CA10: variants seen among roughly 807,000 people sequenced by gnomAD.
The protein encoded by CA10 is carbonic anhydrase-related protein 10.
CA10 carries 14 observed loss-of-function variants against 44.2 expected under a neutral mutation model. The observed-to-expected ratio is 0.32, with a 90% CI of 0.21 to 0.50. CA10 has a LOEUF of 0.50. CA10 is among the 20% of genes least tolerant of loss of function. CA10 has a pLI of 0.99. For synonymous variants in CA10, 159 were observed against 141.6 expected (o/e 1.12, Z -0.87); for missense variants, 350 against 409.7 (o/e 0.85, Z 1.26).
chr17:51,734,269 G>T (rs1347128594), intron 4 of CA10, among the ~76,000 whole-genome samples: 1 of 151,912 alleles, frequency 6.6e-6, no homozygotes, highest in Admixed American at 6.6e-5. Flanking sequence ...TTAATCAATG[G>T]TTTATACGTG....
At chr17:51,863,092 A>C (rs1979385545) in intron 3 of CA10, among the ~76,000 whole-genome samples, 1 of 152,292 alleles carries the variant, frequency 6.6e-6, no homozygotes, top group East Asian at 1.9e-4. Flanking sequence ...CATTTACTTC[A>C]CTGGAAAATA....
chr17:52,109,926 C>T (rs1163298047), intron 1 of CA10, among the ~76,000 whole-genome samples: 1 of 152,214 alleles, frequency 6.6e-6, no homozygotes, highest in Non-Finnish European at 1.5e-5. Context: ...AGAGGCATCA[C>T]ATCCCATGCA....
chr17:51,994,741 A>G (rs998261375), intron 2 of CA10, among the ~76,000 whole-genome samples: 3 of 152,064 alleles, frequency 2.0e-5, no homozygotes, highest in African/African-American at 7.2e-5. Context: ...TTTATTAAAA[A>G]TTATAGGGAA....
chr17:52,137,791 G>T (rs1448290892), intron 1 of CA10, among the ~76,000 whole-genome samples: 4 of 152,166 alleles, frequency 2.6e-5, no homozygotes, highest in African/African-American at 9.7e-5. Flanking sequence ...TACTTAGCTT[G>T]TTTACCCAAC....
chr17:51,937,769 T>C (rs185497546), intron 2 of CA10, among the ~76,000 whole-genome samples: 2 of 152,240 alleles, frequency 1.3e-5, no homozygotes, highest in Non-Finnish European at 1.5e-5. Flanking sequence ...TAAGGGTATG[T>C]GTATATTAAG....
At chr17:51,733,992 T>C (rs1916808639) in intron 4 of CA10, among the ~76,000 whole-genome samples, 1 of 151,852 alleles carries the variant, frequency 6.6e-6, no homozygotes, top group East Asian at 1.9e-4. Context: ...GGGGTTTGTG[T>C]GTGTGAAAGC....
At chr17:51,707,704 T>TGTGTGTGTGTGTGTG (rs1555587873) in intron 4 of CA10, among the ~76,000 whole-genome samples, 39 of 151,542 alleles carry the variant, frequency 2.6e-4, no homozygotes, top group South Asian at 1.3e-3. Flanking sequence ...TGTGTGTGTG[T>TGTGTGTGTGTGTGTG]TTCTCATGTT....
At chr17:51,930,032 A>G (rs1982589340) in intron 3 of CA10, among the ~76,000 whole-genome samples, 1 of 152,186 alleles carries the variant, frequency 6.6e-6, no homozygotes, top group Non-Finnish European at 1.5e-5. Flanking sequence ...ATGGTACAAG[A>G]AAATATATTT....
At chr17:51,699,271 C>A (rs768476418) in intron 4 of CA10, among the ~76,000 whole-genome samples, 1 of 150,442 alleles carries the variant, frequency 6.6e-6, no homozygotes, top group Non-Finnish European at 1.5e-5. Context: ...TGCAGTGAGC[C>A]GAGATCATGC....
intron 3 of CA10, chr17:51,763,454 T>C (rs1323074955): frequency 6.6e-6 from 1 of 152,202 alleles, no homozygotes; most frequent in Non-Finnish European, 1.5e-5. Context: ...GGAAAGCATG[T>C]TCACCAGATG....
At chr17:51,947,673 A>C (rs748330520) in intron 2 of CA10, among the ~76,000 whole-genome samples, 1 of 152,208 alleles carries the variant, frequency 6.6e-6, no homozygotes, top group Non-Finnish European at 1.5e-5. Flanking sequence ...TCTGACTAAA[A>C]CTTTCTGCTC....
intron 2 of CA10, among the ~76,000 whole-genome samples, chr17:52,031,252 C>T (rs901398344): frequency 4.0e-5 from 6 of 151,732 alleles, no homozygotes; most frequent in Admixed American, 6.6e-5. Context: ...TGGGTTCAAG[C>T]AATTCTCATG....
At chr17:52,048,216 G>A (rs1986967211) in intron 2 of CA10, among the ~76,000 whole-genome samples, 1 of 151,862 alleles carries the variant, frequency 6.6e-6, no homozygotes, top group South Asian at 2.1e-4. Context: ...ATATATTTCA[G>A]GAAAAGATGT....
At chr17:52,108,192 T>TATATATATA (rs1555566967) in intron 1 of CA10, among the ~76,000 whole-genome samples, 3 of 113,136 alleles carry the variant, frequency 2.7e-5, no homozygotes, top group Non-Finnish European at 4.2e-5. Context: ...TATATATATT[T>TATATATATA]TTTATATATA....
chr17:52,011,987 G>A (rs1985812375), intron 2 of CA10, among the ~76,000 whole-genome samples: 1 of 152,020 alleles, frequency 6.6e-6, no homozygotes, highest in Non-Finnish European at 1.5e-5. Context: ...CAGTGAAGGT[G>A]AGTGCAAATC....
At chr17:51,875,678 G>A (rs886556057) in intron 3 of CA10, among the ~76,000 whole-genome samples, 1 of 151,514 alleles carries the variant, frequency 6.6e-6, no homozygotes, top group African/African-American at 2.4e-5. Flanking sequence ...TATTACTAAA[G>A]TTTATTTTTT....
intron 2 of CA10, among the ~76,000 whole-genome samples, chr17:52,016,863 A>C (rs988746057): frequency 2.0e-5 from 3 of 152,106 alleles, no homozygotes; most frequent in African/African-American, 7.2e-5. Flanking sequence ...CAGTGAGCCG[A>C]TACTGTGCCA....
At chr17:51,857,100 T>C (rs1413393639) in intron 3 of CA10, among the ~76,000 whole-genome samples, 2 of 152,180 alleles carry the variant, frequency 1.3e-5, no homozygotes, top group Non-Finnish European at 2.9e-5. Context: ...ATTTAAAACA[T>C]TATCATCATC....
chr17:51,987,677 C>T (rs774922866), intron 2 of CA10, among the ~76,000 whole-genome samples: 5 of 151,918 alleles, frequency 3.3e-5, no homozygotes, highest in Non-Finnish European at 5.9e-5. Context: ...GCAGATCTGA[C>T]TACCAAATCT....
Sources: allele counts gnomAD v4.1 joint callset (sites outside exome capture counted in the v4.1 genomes callset), GRCh38; gene constraint gnomAD v4.1.1; transcripts MANE v1.5; gene names NCBI Gene and HGNC (gene_info 2026-07-23, HGNC 2026-07-21).